The following CLIP1 variants were observed in gnomAD, a reference collection of about 807,000 sequenced individuals.
CLIP1 encodes CAP-Gly domain containing linker protein 1.
Under a neutral mutation model 161.6 loss-of-function variants are expected in CLIP1, and 66 were observed. The ratio of observed to expected loss-of-function variants is 0.41; its 90% CI spans 0.33 to 0.50. The LOEUF is 0.50. Among genes scored for constraint, CLIP1 ranks in the 20% least tolerant of loss-of-function variants. The pLI is 0.27. For missense variants in CLIP1, 1,376 were observed against 1,702.0 expected (o/e 0.81, Z 3.37); for synonymous variants, 598 against 626.2 (o/e 0.96, Z 0.67).
chr12:122,328,391 G>C lies in CLIP1; in HGVS notation c.2903C>G (p.Ala968Gly). Residue 968 changes from alanine (A) to glycine (G), a missense_variant, in exon 16 of 26, where the codon GCT becomes GGT. Physicochemically the swap from Ala to Gly is moderately conservative, Grantham distance 60 (BLOSUM62 0). Coordinates refer to ENST00000620786, the MANE Select transcript of CLIP1 (RefSeq NM_001247997.2). The part of the protein sequence containing the change: ...VEELQLKLTK[A>G]NENASFLQKS... ...TTGCAGAAAACTTGCATTTTCATTA[G>C]CCTTTGTAAGTTTTAGCTGTAATTC... 1 of 1,609,938 alleles carries C rather than the reference G, an allele frequency of 6.2e-7. No homozygotes were observed. Among genetic ancestry groups the C allele is most frequent in the Non-Finnish European group, 8.5e-7 (1 of 1,178,664 alleles).
chr12:122,304,354 G>T (rs1454458244), intron 20 of CLIP1, among the ~76,000 whole-genome samples: 1 of 152,034 alleles, frequency 6.6e-6, no homozygotes, highest in Non-Finnish European at 1.5e-5. Context: ...TCCTTTCTTG[G>T]TTGCCAATTT....
intron 13 of CLIP1, 61 bp downstream of exon 13, chr12:122,334,587 G>T: frequency 2.6e-6 from 3 of 1,132,256 alleles, no homozygotes; most frequent in African/African-American, 1.5e-5. Context: ...CCACAGGTCA[G>T]CTCCAGTATG....
intron 20 of CLIP1, among the ~76,000 whole-genome samples, chr12:122,303,013 G>A (rs923712029): frequency 6.6e-6 from 1 of 152,184 alleles, no homozygotes; most frequent in African/African-American, 2.4e-5. Context: ...TTACAGGCAT[G>A]AGCCACTGCA....
intron 1 of CLIP1, among the ~76,000 whole-genome samples, chr12:122,405,829 G>A (rs943647893): frequency 2.0e-5 from 3 of 151,682 alleles, no homozygotes; most frequent in Non-Finnish European, 2.9e-5. Context: ...AGCACTTTGG[G>A]AGGACAAGGC....
chr12:122,287,059 C>G (rs1174841725), intron 21 of CLIP1, among the ~76,000 whole-genome samples: 2 of 151,970 alleles, frequency 1.3e-5, no homozygotes, highest in African/African-American at 2.4e-5. Flanking sequence ...GTAGTCCCAG[C>G]CACTTGGGAG....
intron 15 of CLIP1, among the ~76,000 whole-genome samples, chr12:122,329,845 C>T (rs1951864749): frequency 6.6e-6 from 1 of 151,956 alleles, no homozygotes; most frequent in Non-Finnish European, 1.5e-5. Flanking sequence ...GGGCCGGGTG[C>T]GTTGGCTCAC....
At chr12:122,347,552 C>A in intron 9 of CLIP1, 73 bp from the exon 10 acceptor site, 3 of 1,163,348 alleles carry the variant, frequency 2.6e-6, no homozygotes, top group South Asian at 2.5e-5. Flanking sequence ...GGAGAGACAG[C>A]GGCATGCAGG....
chr12:122,338,632 G>T (rs1176220839), intron 11 of CLIP1, among the ~76,000 whole-genome samples: 1 of 151,966 alleles, frequency 6.6e-6, no homozygotes, highest in African/African-American at 2.4e-5. Context: ...CAGGAGAATC[G>T]CTTGAACCTG....
In CLIP1 at chr12:122,299,612, CAAAA is replaced by C. The variant is rs71082962; in HGVS notation, c.3594+10146_3594+10149del. ...TTTTGTTTTTAAAGAATAAATTCAGCAAAAAAAAAAAAAAAAAAAAGATGCCGGG... is the reference window on the plus strand; with the variant it reads ...TTTTGTTTTTAAAGAATAAATTCAGCAAAAAAAAAAAAAAAAGATGCCGGG... On this transcript the variant is annotated intron_variant, in intron 20 of 25. Transcript: ENST00000620786. Among the ~76,000 whole-genome samples the C allele has an allele frequency of 1.9e-3, 121 of 62,518 alleles. 2 individuals carry two copies. The highest frequency in any genetic ancestry group is 1.6e-3 in the Non-Finnish European group (54 of 34,554). 41.0% of individuals were successfully genotyped at this position (62,518 alleles called of 152,430 possible).
chr12:122,400,329 C>T (rs1379073774), intron 1 of CLIP1: 4 of 151,550 alleles, frequency 2.6e-5, no homozygotes, highest in East Asian at 3.9e-4. Flanking sequence ...TCCAATGTCA[C>T]GGAAAAGTAA....
At chr12:122,354,411 G>C in intron 7 of CLIP1, 42 bp downstream of exon 7, 4 of 1,519,462 alleles carry the variant, frequency 2.6e-6, no homozygotes, top group Non-Finnish European at 3.6e-6. Flanking sequence ...AAAAAAAAAG[G>C]GGGAAAGGCC....
In CLIP1 at chr12:122,341,089, T is replaced by G; in HGVS notation, c.2115A>C (p.Glu705Asp). Residue 705 changes from glutamate (E) to aspartate (D), a missense_variant, in exon 11 of 26, where the codon GAA becomes GAC. Around this residue, in one of 6 missense-constraint regions of CLIP1, gnomAD observed 948 missense variants for 1,134.8 expected, o/e 0.84. Transcript: ENST00000620786. ...TGATGGCTTCCAGACTGTTTTCCTT[T>G]TCTTTAATAACTTTCATCAGTTTAG... The part of the protein sequence containing the change: ...LRAKLMKVIK[E>D]KENSLEAIRS... 6.2e-7 allele frequency: 1 copy of G among 1,613,876 alleles called. No homozygotes were observed. Among genetic ancestry groups the G allele is most frequent in the East Asian group, 2.2e-5 (1 of 44,890 alleles).
intron 20 of CLIP1, among the ~76,000 whole-genome samples, chr12:122,308,024 A>AT (rs1279138951): frequency 3.3e-5 from 5 of 152,196 alleles, no homozygotes; most frequent in Admixed American, 2.6e-4. Flanking sequence ...TGATTTTTAC[A>AT]TTTTTTAATC....
At chr12:122,420,468 G>A (rs1956903276) in intron 1 of CLIP1, among the ~76,000 whole-genome samples, 1 of 152,158 alleles carries the variant, frequency 6.6e-6, no homozygotes, top group Non-Finnish European at 1.5e-5. Flanking sequence ...AAATAGGGAA[G>A]GGCAAAATCT....
intron 11 of CLIP1, among the ~76,000 whole-genome samples, chr12:122,340,236 A>G (rs1952435376): frequency 1.3e-5 from 2 of 152,064 alleles, no homozygotes; most frequent in South Asian, 4.2e-4. Flanking sequence ...GTCCGCCACC[A>G]TGCCAGGCTA....
rs561476814 is a variant in CLIP1 at position 122,355,857 on chromosome 12, C to T, written c.1006-545G>A. The T allele has an allele frequency of 6.5e-6, 1 of 152,918 alleles. No homozygotes were observed. Among genetic ancestry groups the T allele is most frequent in the African/African-American group, 2.4e-5 (1 of 41,442 alleles). 9.5% of individuals were successfully genotyped at this position (152,918 alleles called of 1,614,324 possible). ...CTCGAACTCTAAAGTGCTAAGGTTA[C>T]AGGTGTGAGCCACCGCGCCAAAGGC... On this transcript the variant is annotated intron_variant, in intron 5 of 25. Coordinates refer to ENST00000620786, the MANE Select transcript of CLIP1 (RefSeq NM_001247997.2). This position sits in a 1 kb window ranked among gnomAD's most constrained non-coding sequence, Gnocchi z 4.1.
At chr12:122,277,986 T>C in intron 24 of CLIP1, 168 bp downstream of exon 24, 1 of 671,430 alleles carries the variant, frequency 1.5e-6, no homozygotes, top group Non-Finnish European at 2.6e-6. Context: ...AGGAAGACAT[T>C]TAATGTATAT....
At chr12:122,382,704 C>CAATA (rs35084508) in intron 1 of CLIP1, among the ~76,000 whole-genome samples, 4,330 of 150,916 alleles carry the variant, frequency 0.029, 82 homozygotes, top group African/African-American at 0.048. Flanking sequence ...GACTATGTCT[C>CAATA]AATAAATAAA....
intron 19 of CLIP1, among the ~76,000 whole-genome samples, chr12:122,315,338 T>C (rs1011732715): frequency 4.6e-5 from 7 of 152,198 alleles, no homozygotes; most frequent in African/African-American, 1.7e-4. Flanking sequence ...AAAGACACAC[T>C]CCAATGTTCA....
Sources: gnomAD v4.1 joint callset for allele counts (sites outside exome capture counted in the v4.1 genomes callset) on GRCh38, gnomAD v4.1.1 for gene constraint, gnomAD v4.1.1 regional missense constraint, Gnocchi (gnomAD v3.1) non-coding constraint, MANE v1.5 for transcripts, NCBI Gene and HGNC (gene_info 2026-07-23, HGNC 2026-07-21) for gene names.